DPP6: variants seen among roughly 807,000 people sequenced by gnomAD.
DPP6 encodes the protein dipeptidyl peptidase like 6, also known as A-type potassium channel modulatory protein DPP6.
A neutral mutation model predicts 122.6 loss-of-function variants in DPP6; 69 were observed. That is an observed-to-expected ratio of 0.56 (90% CI 0.46 to 0.69). DPP6 has a LOEUF of 0.69. Among genes scored for constraint, DPP6 ranks in the 30% least tolerant of loss-of-function variants. The probability of loss-of-function intolerance (pLI) is 0.00; values close to 1 mark genes in which losing one functional copy is unlikely to be tolerated. For missense variants in DPP6, 928 were observed against 1,116.9 expected (o/e 0.83, Z 2.41); for synonymous variants, 418 against 433.1 (o/e 0.97, Z 0.43).
chr7:154,211,974 G>A (rs182547061), intron 1 of DPP6, among the ~76,000 whole-genome samples: 6 of 79,052 alleles, frequency 7.6e-5, no homozygotes, highest in East Asian at 3.4e-4. Context: ...TTGTCACAGC[G>A]CCCTGCCCCT....
chr7:154,392,901 C>T (rs1814744649), intron 1 of DPP6, among the ~76,000 whole-genome samples: 1 of 152,160 alleles, frequency 6.6e-6, no homozygotes. Flanking sequence ...GGGCCAGAGG[C>T]TGCCTACTCG....
chr7:154,892,864 C>T lies in DPP6; in HGVS notation c.*384C>T, dbSNP rs1276615833. On this transcript the variant is annotated 3_prime_UTR_variant, in exon 26 of 26. Coordinates refer to ENST00000377770, the MANE Select transcript of DPP6 (RefSeq NM_130797.4). ...GAAGCATGAGACCCGCCCACACTAG[C>T]CTCTGTGTTCCCGTTAGGGACATCA... 1.9e-6 allele frequency: 1 copy of T among 535,630 alleles called. No individual in the cohort carries two copies. The highest frequency in any genetic ancestry group is 1.9e-5 in the African/African-American group (1 of 52,642). The allele number at this position is 535,630 out of a possible 1,614,324, so 33.2% of individuals were successfully genotyped here.
the DPP6 span, among the ~76,000 whole-genome samples, chr7:153,843,077 TGC>T: frequency 3.4e-5 from 5 of 145,650 alleles, no homozygotes; most frequent in African/African-American, 1.3e-4. Context: ...CATACACACG[TGC>T]GCACACACAC....
At chr7:154,805,820 G>T (rs1021139951) in intron 15 of DPP6, among the ~76,000 whole-genome samples, 7 of 152,230 alleles carry the variant, frequency 4.6e-5, no homozygotes, top group Non-Finnish European at 1.0e-4. Context: ...AGGTGAGGAG[G>T]GGGTGTCTGC....
At chr7:154,154,829 T>C (rs779721398) in intron 1 of DPP6, among the ~76,000 whole-genome samples, 6 of 152,182 alleles carry the variant, frequency 3.9e-5, no homozygotes, top group Non-Finnish European at 8.8e-5. Context: ...AGGATCTCCT[T>C]TGAAGGAGTG....
intron 1 of DPP6, among the ~76,000 whole-genome samples, chr7:154,034,468 T>C (rs2129056018): frequency 6.6e-6 from 1 of 152,330 alleles, no homozygotes; most frequent in Admixed American, 6.5e-5. Context: ...TGAGTTCCTG[T>C]TCTAGAGCTG....
intron 1 of DPP6, among the ~76,000 whole-genome samples, chr7:154,151,544 T>G (rs1236756212): frequency 6.6e-6 from 1 of 152,242 alleles, no homozygotes; most frequent in Admixed American, 6.5e-5. Context: ...CGGCTCTTGG[T>G]GCTCACCCAG....
chr7:153,854,033 G>C, the DPP6 span, among the ~76,000 whole-genome samples: 2 of 146,436 alleles, frequency 1.4e-5, no homozygotes, highest in Admixed American at 6.9e-5. Context: ...TAAGGTGTAA[G>C]GAAGGGATCC....
chr7:154,669,718 A>G (rs1317513171), intron 7 of DPP6, among the ~76,000 whole-genome samples: 1 of 152,208 alleles, frequency 6.6e-6, no homozygotes, highest in Non-Finnish European at 1.5e-5. Context: ...AGCTGTGTCT[A>G]TGGACTCCAG....
intron 10 of DPP6, among the ~76,000 whole-genome samples, chr7:154,777,258 G>A (rs961736059): frequency 6.6e-6 from 1 of 152,206 alleles, no homozygotes; most frequent in Non-Finnish European, 1.5e-5. Context: ...CCACACCTAG[G>A]AGCAGAGGTG....
intron 3 of DPP6, among the ~76,000 whole-genome samples, chr7:154,528,823 A>T (rs969207932): frequency 6.6e-6 from 1 of 152,212 alleles, no homozygotes; most frequent in Non-Finnish European, 1.5e-5. Context: ...GATCCCAGGA[A>T]GATCTTACCC....
Position 154,498,286 on chromosome 7 carries a change from G to A in DPP6, c.457+23249G>A, listed in dbSNP as rs562579177. On this transcript the variant is annotated intron_variant, in intron 3 of 25. Transcript: ENST00000377770. ...CCAAATAATTGGGTTAACCAAATAC[G>A]CAATGAATTTTCCTCACATACAAGC... is the stretch of plus-strand genomic sequence containing the variant. 5.9e-5 allele frequency among the ~76,000 whole-genome samples: 9 copies of A among 152,240 alleles called. No individual in the cohort carries two copies. The East Asian group carries it at 1.4e-3, about 23-fold the overall frequency.
At chr7:154,362,627 G>A (rs901707038) in intron 1 of DPP6, among the ~76,000 whole-genome samples, 5 of 144,682 alleles carry the variant, frequency 3.5e-5, no homozygotes, top group Non-Finnish European at 7.5e-5. Flanking sequence ...GTTTTGCCAT[G>A]TTGGCCAGGC....
chr7:154,304,900 G>C (rs1201430123), intron 1 of DPP6, among the ~76,000 whole-genome samples: 4 of 152,192 alleles, frequency 2.6e-5, no homozygotes, highest in Middle Eastern at 3.2e-3. Context: ...GGCGCGCCCT[G>C]CGTGGGGGCC....
intron 1 of DPP6, among the ~76,000 whole-genome samples, chr7:154,324,610 G>C (rs1808262548): frequency 6.6e-6 from 1 of 152,100 alleles, no homozygotes; most frequent in African/African-American, 2.4e-5. Flanking sequence ...CAGGCTCCAT[G>C]TCTGGGTTGG....
chr7:154,696,186 T>C (rs1311909583), intron 7 of DPP6, among the ~76,000 whole-genome samples: 4 of 152,186 alleles, frequency 2.6e-5, no homozygotes, highest in Non-Finnish European at 5.9e-5. Flanking sequence ...GAGCGGAAGC[T>C]TCCGTTCTGT....
intron 3 of DPP6, among the ~76,000 whole-genome samples, chr7:154,506,158 A>G (rs901770134): frequency 1.3e-5 from 2 of 152,002 alleles, no homozygotes; most frequent in African/African-American, 4.8e-5. Flanking sequence ...TTTCTGGAAG[A>G]GATTTTTGGA....
chr7:153,877,914 A>T, the DPP6 span, among the ~76,000 whole-genome samples: 1 of 152,196 alleles, frequency 6.6e-6, no homozygotes, highest in Admixed American at 6.5e-5. Context: ...ACAAATAAAG[A>T]TATTAAAAGT....
intron 2 of DPP6, among the ~76,000 whole-genome samples, chr7:154,460,407 C>T (rs1318193659): frequency 6.6e-6 from 1 of 152,162 alleles, no homozygotes. Flanking sequence ...GTTACAAAAC[C>T]TATAATGCTA....
Sources: gnomAD v4.1 joint callset for allele counts (sites outside exome capture counted in the v4.1 genomes callset) on GRCh38, gnomAD v4.1.1 for gene constraint, MANE v1.5 for transcripts, NCBI Gene and HGNC (gene_info 2026-07-23, HGNC 2026-07-21) for gene names.